UGT8: variants seen among roughly 807,000 people sequenced by gnomAD.
UGT8 encodes the protein UDP glycosyltransferase 8, also known as 2-hydroxyacylsphingosine 1-beta-galactosyltransferase.
Under a neutral mutation model 40.5 loss-of-function variants are expected in UGT8, and 12 were observed. The observed-to-expected ratio is 0.30, with a 90% CI of 0.19 to 0.48. The LOEUF (loss-of-function observed/expected upper bound fraction) is 0.48, where lower values mean the gene tolerates loss of function less well. Among genes scored for constraint, UGT8 ranks in the 20% least tolerant of loss-of-function variants. UGT8 has a pLI of 0.99. For missense variants in UGT8, 513 were observed against 648.7 expected, an observed-to-expected ratio of 0.79 and a Z score of 2.27; for synonymous variants, 224 against 240.4, an observed-to-expected ratio of 0.93 and a Z score of 0.63.
At chr4:114,667,853 T>A (rs1259227669) in intron 4 of UGT8, 1 of 829,506 alleles carries the variant, frequency 1.2e-6, no homozygotes, top group Non-Finnish European at 1.5e-6. Context: ...AATAGTAATA[T>A]ACATTTCAAC....
At chr4:114,626,209 T>G (rs1006856306) in intron 2 of UGT8, among the ~76,000 whole-genome samples, 2 of 152,220 alleles carry the variant, frequency 1.3e-5, no homozygotes, top group Admixed American at 1.3e-4. Context: ...ATGTTCCCAC[T>G]GAGATTTTTC....
At chr4:114,643,758 G>T (rs879558650) in intron 2 of UGT8, among the ~76,000 whole-genome samples, 2 of 151,950 alleles carry the variant, frequency 1.3e-5, no homozygotes, top group Non-Finnish European at 2.9e-5. Context: ...AATCACTTTG[G>T]CTAACATAGG....
At position 114,674,803 on chromosome 4, in the gene UGT8, T is replaced by C. The variant is rs181488051; in HGVS notation, c.1263-1122T>C. On this transcript the variant is annotated intron_variant, in intron 5 of 5. Transcript: ENST00000310836. ...CTCAGTAGTGCTATATCCTCCATGA[T>C]AGATTTTGTATCTCTTGAGGTGGAA... Among the ~76,000 whole-genome samples the C allele has an allele frequency of 1.4e-4, 21 of 152,376 alleles. 1 individual carries two copies. The highest frequency in any genetic ancestry group is 3.9e-4 in the Admixed American group (6 of 15,304).
intron 2 of UGT8, among the ~76,000 whole-genome samples, chr4:114,631,497 A>C (rs1393957633): frequency 6.6e-6 from 1 of 152,242 alleles, no homozygotes; most frequent in Non-Finnish European, 1.5e-5. Context: ...AACAAAAACA[A>C]CAATAAAAGA....
chr4:114,648,980 C>G (rs1733740547), intron 2 of UGT8, among the ~76,000 whole-genome samples: 1 of 152,182 alleles, frequency 6.6e-6, no homozygotes, highest in Non-Finnish European at 1.5e-5. Context: ...AATTCTAACT[C>G]TGCTTCTGAT....
rs553972550 is a variant in UGT8 at position 114,665,419 on chromosome 4, A to G, written c.966-261A>G. 4.4e-5 allele frequency: 43 copies of G among 985,248 alleles called. No homozygotes were observed. In the African/African-American group the frequency reaches 7.3e-4, roughly 17 times the overall value. The allele number at this position is 985,248 out of a possible 1,614,324, so 61.0% of individuals were successfully genotyped here. ...GTTTGTTTGTTTTTCCCATCTCTGT[A>G]TGTGTATAGGCGTGAGGAACCAATG... On this transcript the variant is annotated intron_variant, in intron 3 of 5. Transcript: ENST00000310836.
intron 2 of UGT8, among the ~76,000 whole-genome samples, chr4:114,646,467 A>G (rs895293765): frequency 6.6e-6 from 1 of 152,136 alleles, no homozygotes; most frequent in African/African-American, 2.4e-5. Context: ...CATCATTATG[A>G]TAATAATCAT....
intron 4 of UGT8, 142 bp from the exon 5 acceptor site, chr4:114,667,943 G>C: frequency 7.0e-7 from 1 of 1,430,654 alleles, no homozygotes. Context: ...GTGTAGAGCA[G>C]GAATCAGTGA....
chr4:114,625,179 A>G (rs1382688450), intron 2 of UGT8, among the ~76,000 whole-genome samples: 1 of 152,114 alleles, frequency 6.6e-6, no homozygotes, highest in East Asian at 1.9e-4. Context: ...CATCTGGGTG[A>G]TGTCTCTCTT....
intron 1 of UGT8, among the ~76,000 whole-genome samples, chr4:114,600,456 G>GA (rs1400897428): frequency 6.6e-6 from 1 of 152,024 alleles, no homozygotes; most frequent in Non-Finnish European, 1.5e-5. Flanking sequence ...CATATCCCCA[G>GA]AAAAAAATCA....
rs144661723 is a variant in UGT8 at position 114,625,368 on chromosome 4, G to A, written c.822+1666G>A. ...TCTCTACAAAAAATAAAAATTAGCT[G>A]GGTATGGTGATGCATGTCTATAGTC... On this transcript the variant is annotated intron_variant, in intron 2 of 5. Coordinates refer to ENST00000310836, the MANE Select transcript of UGT8 (RefSeq NM_001128174.3). Among the ~76,000 whole-genome samples, 1,084 of 152,004 alleles carry A rather than the reference G, an allele frequency of 7.1e-3. 16 individuals carry two copies. Among genetic ancestry groups the A allele is most frequent in the African/African-American group, 0.024 (1,004 of 41,450 alleles).
At chr4:114,642,683 G>T (rs1485247487) in intron 2 of UGT8, among the ~76,000 whole-genome samples, 2 of 152,006 alleles carry the variant, frequency 1.3e-5, no homozygotes, top group African/African-American at 4.8e-5. Flanking sequence ...GTTTTAGTTT[G>T]TAAGCAATAG....
intron 2 of UGT8, among the ~76,000 whole-genome samples, chr4:114,653,388 A>G (rs1296402379): frequency 2.0e-5 from 3 of 152,068 alleles, no homozygotes; most frequent in Non-Finnish European, 4.4e-5. Context: ...TGATATTGTC[A>G]TTGACCTGGA....
At chr4:114,663,866 T>C (rs1734697398) in intron 2 of UGT8, 129 bp from the exon 3 acceptor site, 1 of 1,448,376 alleles carries the variant, frequency 6.9e-7, no homozygotes, top group African/African-American at 1.4e-5. Context: ...GAAGAAAATA[T>C]CATATCCTTT....
chr4:114,631,801 T>A (rs2126105974), intron 2 of UGT8, among the ~76,000 whole-genome samples: 1 of 152,340 alleles, frequency 6.6e-6, no homozygotes, highest in Middle Eastern at 3.4e-3. Flanking sequence ...TTCTGGTAAT[T>A]AAAGATTTTC....
intron 1 of UGT8, among the ~76,000 whole-genome samples, chr4:114,606,451 T>C (rs1461097863): frequency 1.3e-5 from 2 of 152,120 alleles, no homozygotes; most frequent in African/African-American, 2.4e-5. Flanking sequence ...TTACATAGAT[T>C]TTGCATTTGT....
At chr4:114,661,528 C>G (rs1734535558) in intron 2 of UGT8, among the ~76,000 whole-genome samples, 1 of 152,130 alleles carries the variant, frequency 6.6e-6, no homozygotes, top group Non-Finnish European at 1.5e-5. Flanking sequence ...CTGGCTCTTG[C>G]ATCTGTTCAT....
At chr4:114,628,819 A>C (rs1161356213) in intron 2 of UGT8, among the ~76,000 whole-genome samples, 1 of 149,996 alleles carries the variant, frequency 6.7e-6, no homozygotes, top group African/African-American at 2.4e-5. Context: ...ACTGTTTGTC[A>C]TTTTGTTATT....
Position 114,674,020 on chromosome 4 carries a change from C to T in UGT8, c.1263-1905C>T, listed in dbSNP as rs139948708. 5.6e-3 allele frequency among the ~76,000 whole-genome samples: 857 copies of T among 152,204 alleles called. 6 individuals are homozygous for T. The highest frequency in any genetic ancestry group is 0.017 in the Middle Eastern group (5 of 294). On this transcript the variant is annotated intron_variant, in intron 5 of 5. Coordinates refer to ENST00000310836, the MANE Select transcript of UGT8 (RefSeq NM_001128174.3). Reference sequence around the variant, plus strand: ...ATGTAATAGCCTTCATTTGTTTTTTCTCTCACTCCTAACAACCTTCTGTTC... The same window carrying T: ...ATGTAATAGCCTTCATTTGTTTTTTTTCTCACTCCTAACAACCTTCTGTTC...
Sources: allele counts gnomAD v4.1 joint callset (sites outside exome capture counted in the v4.1 genomes callset), GRCh38; gene constraint gnomAD v4.1.1; transcripts MANE v1.5; gene names NCBI Gene and HGNC (gene_info 2026-07-23, HGNC 2026-07-21).